The following CSMD1 variants were observed in gnomAD, a reference collection of about 807,000 sequenced individuals.
The protein encoded by CSMD1 is CUB and Sushi multiple domains 1, also known as CUB and sushi domain-containing protein 1.
In CSMD1, 213 loss-of-function variants were observed where a neutral mutation model predicts 417.5. The ratio of observed to expected loss-of-function variants is 0.51; its 90% CI spans 0.46 to 0.57. CSMD1 has a LOEUF of 0.57. Ranked by LOEUF, CSMD1 falls within the 20% of genes least tolerant of loss-of-function variation. CSMD1 has a pLI of 0.00. For synonymous variants in CSMD1, 2,862 were observed against 1,736.8 expected (o/e 1.65, Z -16.11); for missense variants, 6,923 against 4,529.7 (o/e 1.53, Z -15.17).
intron 4 of CSMD1, among the ~76,000 whole-genome samples, chr8:4,029,696 C>G (rs1258891198): frequency 6.6e-6 from 1 of 152,130 alleles, no homozygotes; most frequent in African/African-American, 2.4e-5. Context: ...TCAAAACCAA[C>G]CATGCCTTCC....
chr8:4,451,477 G>A (rs1392373616), intron 2 of CSMD1, among the ~76,000 whole-genome samples: 2 of 152,124 alleles, frequency 1.3e-5, no homozygotes, highest in Admixed American at 1.3e-4. Flanking sequence ...CTCTCCTAAA[G>A]CTTACCCATA....
At chr8:4,923,903 C>G (rs1203696744) in intron 1 of CSMD1, among the ~76,000 whole-genome samples, 1 of 152,178 alleles carries the variant, frequency 6.6e-6, no homozygotes, top group African/African-American at 2.4e-5. Flanking sequence ...GTATAGGTTT[C>G]TTTGGTTTGG....
Position 3,018,443 on chromosome 8 carries a change from C to T in CSMD1, c.8029+34G>A, listed in dbSNP as rs1383162660. On this transcript the variant is annotated intron_variant, in intron 52 of 69. Transcript: ENST00000635120. ...GTAATCTATTTCTAAGGTTTATCTG[C>T]ATTAAGTAAGTGCCAGAACACAGAT... 5 of 1,598,592 alleles carry T rather than the reference C, an allele frequency of 3.1e-6. No individual in the cohort carries two copies. The South Asian group carries it at 3.3e-5, about 11-fold the overall frequency.
intron 26 of CSMD1, among the ~76,000 whole-genome samples, chr8:3,275,061 T>G (rs541752576): frequency 6.6e-6 from 1 of 152,188 alleles, no homozygotes; most frequent in African/African-American, 2.4e-5. Context: ...TTGCCGTGCC[T>G]GGTACCTTTT....
At chr8:3,857,628 G>A (rs1482135371) in intron 5 of CSMD1, among the ~76,000 whole-genome samples, 1 of 152,202 alleles carries the variant, frequency 6.6e-6, no homozygotes, top group East Asian at 1.9e-4. Context: ...AGTTCACAGA[G>A]CAGAGGGTGG....
At chr8:4,855,466 C>G (rs868197810) in intron 1 of CSMD1, among the ~76,000 whole-genome samples, 6 of 152,134 alleles carry the variant, frequency 3.9e-5, no homozygotes, top group South Asian at 4.2e-4. Context: ...AAATTACTCT[C>G]AGCTACGGGA....
intron 1 of CSMD1, among the ~76,000 whole-genome samples, chr8:4,975,536 G>T (rs1468058069): frequency 6.6e-6 from 1 of 152,158 alleles, no homozygotes; most frequent in South Asian, 2.1e-4. Flanking sequence ...TTCAGATGAA[G>T]GAAGTGAAGC....
At chr8:3,457,394 A>T (rs1297229738) in intron 12 of CSMD1, among the ~76,000 whole-genome samples, 2 of 152,208 alleles carry the variant, frequency 1.3e-5, no homozygotes, top group African/African-American at 4.8e-5. Flanking sequence ...CAGATGGCAC[A>T]AACTTTCTTT....
At chr8:3,866,670 T>C (rs2129108972) in intron 5 of CSMD1, among the ~76,000 whole-genome samples, 1 of 129,298 alleles carries the variant, frequency 7.7e-6, no homozygotes, top group African/African-American at 2.6e-5. Flanking sequence ...GCTTATAAGA[T>C]TTCTATAGAT....
intron 7 of CSMD1, among the ~76,000 whole-genome samples, chr8:3,685,599 T>C (rs1397906620): frequency 6.6e-6 from 1 of 152,194 alleles, no homozygotes; most frequent in Non-Finnish European, 1.5e-5. Flanking sequence ...TCTCATTGCC[T>C]GGATATGGTG....
rs1164689691 is a variant in CSMD1, at chr8:3,496,787, G to A, written c.1345-3061C>T. ...GTTGCAGTGACCTGAGATCACCACC[G>A]CCACTGCACTCCAACCTGGGCAACA... On this transcript the variant is annotated intron_variant, in intron 10 of 69. Coordinates refer to ENST00000635120, the MANE Select transcript of CSMD1 (RefSeq NM_033225.6). 5.3e-5 allele frequency among the ~76,000 whole-genome samples: 8 copies of A among 151,950 alleles called. No individual in the cohort carries two copies. The South Asian group carries it at 1.0e-3, about 20-fold the overall frequency.
chr8:4,276,571 C>T (rs1224538074), intron 3 of CSMD1, among the ~76,000 whole-genome samples: 1 of 152,112 alleles, frequency 6.6e-6, no homozygotes, highest in Non-Finnish European at 1.5e-5. Context: ...TGCACATGTA[C>T]CCCAGAACTT....
At chr8:4,336,775 C>T (rs1800199417) in intron 3 of CSMD1, among the ~76,000 whole-genome samples, 1 of 151,974 alleles carries the variant, frequency 6.6e-6, no homozygotes, top group Non-Finnish European at 1.5e-5. Context: ...CAAAGCTGGG[C>T]CCAGAGGGAG....
intron 3 of CSMD1, among the ~76,000 whole-genome samples, chr8:4,111,051 C>G (rs569934160): frequency 1.3e-3 from 191 of 152,188 alleles, no homozygotes; most frequent in African/African-American, 4.2e-3. Context: ...ACTTAATAAA[C>G]CTTGCACCGC....
chr8:3,138,139 T>C (rs867107598), intron 41 of CSMD1, among the ~76,000 whole-genome samples: 14 of 152,132 alleles, frequency 9.2e-5, no homozygotes, highest in African/African-American at 3.4e-4. Flanking sequence ...GGCAGGAGAA[T>C]TGCTTGAACC....
Position 4,775,064 on chromosome 8 carries a change from A to G in CSMD1, c.86-137506T>C, listed in dbSNP as rs565129285. 9.2e-5 allele frequency among the ~76,000 whole-genome samples: 14 copies of G among 152,328 alleles called. No homozygotes were observed. In the South Asian group the frequency reaches 2.9e-3, roughly 32 times the overall value. ...TAGGAAATCAAGATATACAAGAGCA[A>G]CAGAAGGAAAAATTTAAAAGGTACT... On this transcript the variant is annotated intron_variant, in intron 1 of 69. Transcript: ENST00000635120.
chr8:3,871,827 C>T (rs1563164108), intron 5 of CSMD1, among the ~76,000 whole-genome samples: 1 of 152,072 alleles, frequency 6.6e-6, no homozygotes, highest in African/African-American at 2.4e-5. Flanking sequence ...CTTGTGAAGG[C>T]TATTACACAA....
intron 1 of CSMD1, among the ~76,000 whole-genome samples, chr8:4,897,649 TATTA>T (rs1173271388): frequency 6.6e-6 from 1 of 152,168 alleles, no homozygotes; most frequent in Non-Finnish European, 1.5e-5. Context: ...AATAATATGA[TATTA>T]TTTATACAGT....
intron 5 of CSMD1, among the ~76,000 whole-genome samples, chr8:3,839,467 T>C (rs1444692351): frequency 8.0e-6 from 1 of 124,830 alleles, no homozygotes; most frequent in African/African-American, 3.0e-5. Context: ...ATATTATATA[T>C]TATATAATTA....
Sources: allele counts gnomAD v4.1 joint callset (sites outside exome capture counted in the v4.1 genomes callset), GRCh38; gene constraint gnomAD v4.1.1; transcripts MANE v1.5; gene names NCBI Gene and HGNC (gene_info 2026-07-23, HGNC 2026-07-21).